Variants in SZT2 observed in about 807,000 individuals in gnomAD.
The protein encoded by SZT2 is SZT2 subunit of KICSTOR complex.
A neutral mutation model predicts 404.2 loss-of-function variants in SZT2; 216 were observed. The observed-to-expected ratio is 0.53, with a 90% CI of 0.48 to 0.60. SZT2 has a LOEUF of 0.60. Ranked by LOEUF, SZT2 falls within the 20% of genes least tolerant of loss-of-function variation. The probability of loss-of-function intolerance (pLI) is 0.00; values close to 1 mark genes in which losing one functional copy is unlikely to be tolerated. For synonymous variants in SZT2, 1,693 were observed against 1,749.9 expected (o/e 0.97, Z 0.81); for missense variants, 3,857 against 4,459.2 (o/e 0.86, Z 3.85).
rs374546223 is a variant in SZT2, at chr1:43,439,080, G to A, written c.6779G>A (p.Arg2260Gln). 2.9e-5 allele frequency: 47 copies of A among 1,614,014 alleles called. No individual in the cohort carries two copies. Among genetic ancestry groups the A allele is most frequent in the African/African-American group, 1.9e-4 (14 of 74,898 alleles). ...HSPKYTDSNS[R>Q]NHFQHPLPPQ... ...CCCAAGTACACAGATAGCAACAGCC[G>A]GAACCACTTCCAAGTGAGATGGCAC... Residue 2260 changes from arginine (R) to glutamine (Q), a missense_variant, in exon 48 of 72, where the codon CGG becomes CAG. Transcript: ENST00000634258. This position sits in a 1 kb window ranked among gnomAD's most constrained non-coding sequence, Gnocchi z 4.2.
chr1:43,437,481 G>A lies in SZT2; in HGVS notation c.6263G>A (p.Arg2088Gln), dbSNP rs746620838. Reference protein sequence around the residue: ...NRKNMFVYQERATKAVYYLRL... With the variant: ...NRKNMFVYQEQATKAVYYLRL... The stretch of plus-strand genomic sequence containing the variant: ...AAAAACATGTTTGTTTACCAGGAGC[G>A]AGCAACAAAGGCTGTGTACTATCTT... Residue 2088 changes from arginine (R) to glutamine (Q), a missense_variant, in exon 44 of 72, where the codon CGA becomes CAA. By Grantham distance (43) the Arg-to-Gln change is conservative (BLOSUM62 1). Coordinates refer to ENST00000634258, the MANE Select transcript of SZT2 (RefSeq NM_001365999.1). This position sits in a 1 kb window ranked among gnomAD's most constrained non-coding sequence, Gnocchi z 5.3. 17 of 1,614,162 alleles carry A rather than the reference G, an allele frequency of 1.1e-5. No individual in the cohort carries two copies. Among genetic ancestry groups the A allele is most frequent in the South Asian group, 9.9e-5 (9 of 91,078 alleles).
intron 4 of SZT2, among the ~76,000 whole-genome samples, chr1:43,411,419 A>T (rs1651030323): frequency 6.6e-6 from 1 of 152,208 alleles, no homozygotes; most frequent in Admixed American, 6.5e-5. Flanking sequence ...TCCATGGTTC[A>T]TGCATGAAGC....
rs376885064 is a variant in SZT2, at chr1:43,440,493, A to T, written c.7251A>T (p.Ala2417=). The change falls in exon 52 of 72, where the codon GCA becomes GCT. Residue 2417 remains alanine, a synonymous_variant. Coordinates refer to ENST00000634258, the MANE Select transcript of SZT2 (RefSeq NM_001365999.1). ...RNGSLETKSS[A]GRASTFPPAP... ...GATCGTTGGAAACTAAGAGCTCTGC[A>T]GGCCGAGCTAGCACCTTTCCCCCTG... is the stretch of plus-strand genomic sequence containing the variant. 1.9e-6 allele frequency: 3 copies of T among 1,607,316 alleles called. No homozygotes were observed. Among genetic ancestry groups the T allele is most frequent in the South Asian group, 2.2e-5 (2 of 90,272 alleles).
rs1287285079 is a variant in SZT2, at chr1:43,432,792, C to T, written c.5595C>T (p.Asp1865=). The T allele has an allele frequency of 6.2e-6, 10 of 1,613,744 alleles. No homozygotes were observed. Among genetic ancestry groups the T allele is most frequent in the Non-Finnish European group, 7.6e-6 (9 of 1,179,852 alleles). ...LMSSQGSVDS[D]HLGYDGGSSG... is the part of the protein sequence containing the mutation. Reference sequence around the variant, plus strand: ...CCAGTCAGGGCAGTGTGGACTCAGACCACCTAGGTAAGCTGGGGGGACGGG... The same window carrying T: ...CCAGTCAGGGCAGTGTGGACTCAGATCACCTAGGTAAGCTGGGGGGACGGG... Residue 1865 remains aspartate, a synonymous_variant, in exon 39 of 72, where the codon GAC becomes GAT. Transcript: ENST00000634258.
At chr1:43,449,704 G>T in intron 70 of SZT2, 1 of 300,092 alleles carries the variant, frequency 3.3e-6, no homozygotes, top group Non-Finnish European at 6.6e-6. Flanking sequence ...ATCATCCCGG[G>T]ATGGATCACC....
chr1:43,392,720 A>T (rs893738707), intron 1 of SZT2, among the ~76,000 whole-genome samples: 1 of 152,198 alleles, frequency 6.6e-6, no homozygotes. Flanking sequence ...GCCTAAGTTA[A>T]GCATTTTTTA....
At chr1:43,434,613 A>C in intron 41 of SZT2, 128 bp downstream of exon 41, 1 of 831,714 alleles carries the variant, frequency 1.2e-6, no homozygotes, top group Non-Finnish European at 1.9e-6. Flanking sequence ...TGACTTCCCC[A>C]GTTAGTAGGA....
Position 43,430,998 on chromosome 1 carries a change from C to G in SZT2, c.4824C>G (p.Pro1608=), listed in dbSNP as rs747617873. 10 of 1,614,084 alleles carry G rather than the reference C, an allele frequency of 6.2e-6. No homozygotes were observed. The highest frequency in any genetic ancestry group is 8.5e-6 in the Non-Finnish European group (10 of 1,180,050). Residue 1608 remains proline (P), a synonymous_variant, in exon 33 of 72, where the codon CCC becomes CCG. Coordinates refer to ENST00000634258, the MANE Select transcript of SZT2 (RefSeq NM_001365999.1). The stretch of plus-strand genomic sequence containing the variant: ...GCCCCCCAGTTGGAGGCCGAGTTCC[C>G]TTGAGGGACCTCAGTGTGACTCTGG... ...LEGPPVGGRV[P]LRDLSVTLDV... is the part of the protein sequence containing the mutation.
In SZT2 at chr1:43,404,487, C is replaced by G. The variant is rs746489525; in HGVS notation, c.435C>G (p.Phe145Leu). 9.9e-6 allele frequency: 16 copies of G among 1,613,938 alleles called. No individual in the cohort carries two copies. Among genetic ancestry groups the G allele is most frequent in the Non-Finnish European group, 1.4e-5 (16 of 1,180,034 alleles). ...PFRVPGSCID[F>L]QPEIYVTIQA... ...GAGTGCCTGGATCTTGCATCGACTT[C>G]CAGCCTGAGATCTATGTAACTATCC... Residue 145 changes from phenylalanine to leucine, a missense_variant, in exon 4 of 72, where the codon TTC becomes TTG. By Grantham distance (22) the Phe-to-Leu change is conservative. Coordinates refer to ENST00000634258, the MANE Select transcript of SZT2 (RefSeq NM_001365999.1).
At position 43,426,893 on chromosome 1, in the gene SZT2, C is replaced by G; in HGVS notation, c.3309+84C>G. The G allele has an allele frequency of 6.4e-7, 1 of 1,556,628 alleles. No individual in the cohort carries two copies. Among genetic ancestry groups the G allele is most frequent in the Non-Finnish European group, 8.8e-7 (1 of 1,136,154 alleles). On this transcript the variant is annotated intron_variant, in intron 23 of 71. Coordinates refer to ENST00000634258, the MANE Select transcript of SZT2 (RefSeq NM_001365999.1). The surrounding 1 kb of genome is among the most constrained non-coding windows in gnomAD (Gnocchi z 4.9). ...TCTTCAGGCCCCAACCTTCTACCGC[C>G]CTTGAGACTAAATGGCATCTGCCAA...
chr1:43,398,961 T>A (rs1649327009), intron 1 of SZT2, among the ~76,000 whole-genome samples: 1 of 151,896 alleles, frequency 6.6e-6, no homozygotes, highest in Admixed American at 6.6e-5. Flanking sequence ...GCCCCTGTAG[T>A]CCCAGCTACT....
At chr1:43,399,400 T>A (rs1649391810) in intron 1 of SZT2, among the ~76,000 whole-genome samples, 1 of 152,022 alleles carries the variant, frequency 6.6e-6, no homozygotes, top group Admixed American at 6.6e-5. Flanking sequence ...TAAGCCACTG[T>A]CATCTCCCCT....
intron 4 of SZT2, among the ~76,000 whole-genome samples, chr1:43,407,381 T>TG (rs1319144365): frequency 6.6e-6 from 1 of 152,122 alleles, no homozygotes. Context: ...CTGGGCGTGA[T>TG]GGTGCATATC....
In SZT2 at chr1:43,424,723, G is replaced by T. The variant is rs1652932349; in HGVS notation, c.2472-61G>T. The stretch of plus-strand genomic sequence containing the variant: ...AGGTGGGTGTATGTGGGGAGAGCTT[G>T]TAGTCTCAGTGTCTCTTCTTCCCTT... On this transcript the variant is annotated intron_variant, in intron 16 of 71. Transcript: ENST00000634258. This position sits in a 1 kb window ranked among gnomAD's most constrained non-coding sequence, Gnocchi z 4.1. The T allele has an allele frequency of 7.0e-7, 1 of 1,426,970 alleles. No homozygotes were observed. 88.4% of individuals were successfully genotyped at this position (1,426,970 alleles called of 1,614,324 possible). A position where few individuals can be genotyped will look rare whatever the true frequency, so the allele number is the denominator to read the frequency against.
At chr1:43,415,053 T>C (rs1651537386) in intron 4 of SZT2, 29 bp from the exon 5 acceptor site, 2 of 1,594,280 alleles carry the variant, frequency 1.3e-6, no homozygotes, top group Admixed American at 1.7e-5. Context: ...CTGACCGTCC[T>C]GTCTCAGTCT....
At chr1:43,416,493 TG>T in intron 6 of SZT2, 41 bp from the exon 7 acceptor site, 1 of 1,555,578 alleles carries the variant, frequency 6.4e-7, no homozygotes. Flanking sequence ...GAGTTTGGTC[TG>T]GCCAGTGTCT....
rs1287913599 is a variant in SZT2 at position 43,428,486 on chromosome 1, G to A, written c.4166G>A (p.Ser1389Asn). ...RERAILASES[S>N]IETEDLSEPE... ...CGAGCTATCCTAGCTTCTGAATCCA[G>A]GTTAGGATTATACTTGAATGATGGA... The change falls in exon 28 of 72, where the codon AGC becomes AAC. Residue 1389 changes from serine (S) to asparagine (N), a missense_variant and splice_region_variant. By Grantham distance (46) the Ser-to-Asn change is conservative. Transcript: ENST00000634258. 1.2e-6 allele frequency: 2 copies of A among 1,613,152 alleles called. No homozygotes were observed. Among genetic ancestry groups the A allele is most frequent in the Non-Finnish European group, 8.5e-7 (1 of 1,179,966 alleles).
rs1012585246 is a variant in SZT2 at position 43,451,974 on chromosome 1, T to C, written c.*1494T>C. 2 of 1,611,426 alleles carry C rather than the reference T, an allele frequency of 1.2e-6. No homozygotes were observed. Among genetic ancestry groups the C allele is most frequent in the African/African-American group, 2.7e-5 (2 of 74,850 alleles). ...TCCAGGAAGTACTGGGGGTCAGTGATGCGGGTGTTGATGGGCTCCAGCAGT... is the reference window on the plus strand; with the variant it reads ...TCCAGGAAGTACTGGGGGTCAGTGACGCGGGTGTTGATGGGCTCCAGCAGT... On this transcript the variant is annotated 3_prime_UTR_variant, in exon 72 of 72. Coordinates refer to ENST00000634258, the MANE Select transcript of SZT2 (RefSeq NM_001365999.1).
In SZT2 at chr1:43,424,333, G is replaced by A. The variant is rs772767255; in HGVS notation, c.2372G>A (p.Arg791His). ...TCTTCTAGCCTGGCGTCACTGTCCC[G>A]CTACCTCTACCATCAGCGCTGGCTT... is the stretch of plus-strand genomic sequence containing the variant. ...SASSSLASLS[R>H]YLYHQRWLWS... Residue 791 changes from arginine (R) to histidine (H), a missense_variant, in exon 16 of 72, where the codon CGC becomes CAC. Around this residue, in one of 7 missense-constraint regions of SZT2, gnomAD observed 1,725 missense variants for 1,881.0 expected, o/e 0.92. Coordinates refer to ENST00000634258, the MANE Select transcript of SZT2 (RefSeq NM_001365999.1). This position sits in a 1 kb window ranked among gnomAD's most constrained non-coding sequence, Gnocchi z 4.1. 12 of 1,597,900 alleles carry A rather than the reference G, an allele frequency of 7.5e-6. No homozygotes were observed. Among genetic ancestry groups the A allele is most frequent in the South Asian group, 6.6e-5 (6 of 91,084 alleles).
Sources: allele counts gnomAD v4.1 joint callset (sites outside exome capture counted in the v4.1 genomes callset), GRCh38; gene constraint gnomAD v4.1.1; regional missense constraint gnomAD v4.1.1; non-coding constraint Gnocchi (gnomAD v3.1); transcripts MANE v1.5; gene names NCBI Gene and HGNC (gene_info 2026-07-23, HGNC 2026-07-21).